The following CACNA1I variants were observed in gnomAD, a reference collection of about 807,000 sequenced individuals.
CACNA1I encodes voltage-dependent T-type calcium channel subunit alpha-1I.
Under a neutral mutation model 201.6 loss-of-function variants are expected in CACNA1I, and 74 were observed. That is an observed-to-expected ratio of 0.37 (90% CI 0.30 to 0.45). CACNA1I has a LOEUF of 0.45. CACNA1I is among the 20% of genes least tolerant of loss of function. The pLI is 1.00. For missense variants in CACNA1I, 2,346 were observed against 3,138.1 expected (o/e 0.75, Z 6.03); for synonymous variants, 1,431 against 1,345.2 (o/e 1.06, Z -1.40).
intron 3 of CACNA1I, among the ~76,000 whole-genome samples, chr22:39,612,560 C>T (rs1933415511): frequency 6.6e-6 from 1 of 151,934 alleles, no homozygotes; most frequent in East Asian, 1.9e-4. Flanking sequence ...TGAGTCCTCA[C>T]TTGAGTCCTC....
chr22:39,635,846 A>G (rs929406571), intron 5 of CACNA1I, among the ~76,000 whole-genome samples: 1 of 151,968 alleles, frequency 6.6e-6, no homozygotes, highest in Non-Finnish European at 1.5e-5. Flanking sequence ...AGCCCACCTG[A>G]CACCTCCTCC....
chr22:39,670,078 T>C lies in CACNA1I; in HGVS notation c.4235T>C (p.Ile1412Thr). 2 of 1,613,068 alleles carry C rather than the reference T, an allele frequency of 1.2e-6. No homozygotes were observed. Among genetic ancestry groups the C allele is most frequent in the Non-Finnish European group, 1.7e-6 (2 of 1,179,862 alleles). ...NHNPWMLLYF[I>T]SFLLIVSFFV... is the part of the protein sequence containing the mutation. Reference sequence around the variant, plus strand: ...AACCCCTGGATGCTGCTGTACTTCATCTCCTTCCTGCTCATCGTCAGCTTC... The same window carrying C: ...AACCCCTGGATGCTGCTGTACTTCACCTCCTTCCTGCTCATCGTCAGCTTC... The change falls in exon 25 of 37, where the codon ATC becomes ACC. Residue 1412 changes from isoleucine (I) to threonine (T), a missense_variant. Ile to Thr is a moderately conservative substitution (Grantham distance 89). Coordinates refer to ENST00000402142, the MANE Select transcript of CACNA1I (RefSeq NM_021096.4).
chr22:39,595,015 C>A (rs937686912), intron 1 of CACNA1I, among the ~76,000 whole-genome samples: 1 of 152,174 alleles, frequency 6.6e-6, no homozygotes, highest in Non-Finnish European at 1.5e-5. Flanking sequence ...TCACGCCAGG[C>A]GCGGTGGCTC....
intron 29 of CACNA1I, among the ~76,000 whole-genome samples, chr22:39,675,225 C>G (rs9619826): frequency 2.6e-5 from 4 of 152,148 alleles, no homozygotes; most frequent in African/African-American, 9.7e-5. Context: ...CTCCCTCAAG[C>G]GCTTATTTCA....
chr22:39,598,346 C>T (rs1932941920), intron 2 of CACNA1I, 84 bp downstream of exon 2: 4 of 695,718 alleles, frequency 5.7e-6, no homozygotes, highest in Non-Finnish European at 1.0e-5. Flanking sequence ...CACCCCCGCC[C>T]CATGTCCTGG....
chr22:39,608,858 C>G (rs1282304678), intron 3 of CACNA1I, among the ~76,000 whole-genome samples: 1 of 151,936 alleles, frequency 6.6e-6, no homozygotes, highest in African/African-American at 2.4e-5. Context: ...TTATTGTACC[C>G]TGGAAACATG....
In CACNA1I at chr22:39,660,330, G is replaced by A. The variant is rs747539353; in HGVS notation, c.2605-14G>A. On this transcript the variant is annotated splice_polypyrimidine_tract_variant and intron_variant, in intron 14 of 36. Coordinates refer to ENST00000402142, the MANE Select transcript of CACNA1I (RefSeq NM_021096.4). ...GGACTGACCTGCATTCTAACGTGAC[G>A]GATGCTCTCCCAGGGTGACGCCAAT... The A allele has an allele frequency of 7.5e-6, 12 of 1,605,644 alleles. No homozygotes were observed. Among genetic ancestry groups the A allele is most frequent in the Middle Eastern group, 3.3e-4 (2 of 6,066 alleles).
chr22:39,670,435 C>A, intron 25 of CACNA1I, among the ~76,000 whole-genome samples: 1 of 152,220 alleles, frequency 6.6e-6, no homozygotes, highest in East Asian at 1.9e-4. Flanking sequence ...TGGCTGACAC[C>A]ACTGCCAACC....
Position 39,646,789 on chromosome 22 carries a change from A to T in CACNA1I, c.1370A>T (p.Tyr457Phe). Residue 457 changes from tyrosine (Y) to phenylalanine (F), a missense_variant, in exon 8 of 37, where the codon TAC becomes TTC. Physicochemically the swap from Tyr to Phe is conservative, Grantham distance 22. This residue lies in a region of CACNA1I where 312 missense variants were observed against 331.5 expected (regional missense o/e 0.94). Transcript: ENST00000402142. ...RKAKRRALGL[Y>F]QALQSRRQAL... ...GCCAAGCGCCGCGCCCTGGGCCTCT[A>T]CCAGGCCCTGCAGAGCCGGCGCCAG... The T allele has an allele frequency of 6.4e-7, 1 of 1,569,042 alleles. No individual in the cohort carries two copies. Among genetic ancestry groups the T allele is most frequent in the Admixed American group, 1.9e-5 (1 of 53,836 alleles).
At chr22:39,650,007 C>T in intron 10 of CACNA1I, 82 bp downstream of exon 10, 1 of 1,447,748 alleles carries the variant, frequency 6.9e-7, no homozygotes, top group Non-Finnish European at 9.6e-7. Context: ...CAGCCCCATC[C>T]ATCTGCCTGG....
intron 1 of CACNA1I, among the ~76,000 whole-genome samples, chr22:39,586,985 C>A (rs374659888): frequency 6.6e-6 from 1 of 152,092 alleles, no homozygotes; most frequent in African/African-American, 2.4e-5. Context: ...GGGACCCTGG[C>A]CCCCAGGGAC....
intron 1 of CACNA1I, among the ~76,000 whole-genome samples, chr22:39,591,458 G>A (rs1255594507): frequency 4.6e-5 from 7 of 151,880 alleles, no homozygotes; most frequent in Non-Finnish European, 1.0e-4. Flanking sequence ...CACGGCACCC[G>A]GCCTGGCCTG....
chr22:39,682,723 G>T, intron 35 of CACNA1I, 62 bp downstream of exon 35: 6 of 1,436,910 alleles, frequency 4.2e-6, no homozygotes, highest in Non-Finnish European at 5.7e-6. Flanking sequence ...GCTTCAGAGG[G>T]AGATGGCTGA....
In CACNA1I at chr22:39,682,480, C is replaced by T. The variant is rs561440408; in HGVS notation, c.5665-16C>T. 3 of 1,611,690 alleles carry T rather than the reference C, an allele frequency of 1.9e-6. No individual in the cohort carries two copies. Among genetic ancestry groups the T allele is most frequent in the East Asian group, 4.5e-5 (2 of 44,856 alleles). On this transcript the variant is annotated splice_polypyrimidine_tract_variant and intron_variant, in intron 34 of 36. Coordinates refer to ENST00000402142, the MANE Select transcript of CACNA1I (RefSeq NM_021096.4). ...CCTTCCCAGTCCTGCCCCATCCTACCTCCCTTTCCTTGCAGGGTGAGCTGG... is the reference window on the plus strand; with the variant it reads ...CCTTCCCAGTCCTGCCCCATCCTACTTCCCTTTCCTTGCAGGGTGAGCTGG...
chr22:39,632,113 A>G (rs943434939), intron 4 of CACNA1I, among the ~76,000 whole-genome samples: 1 of 152,074 alleles, frequency 6.6e-6, no homozygotes, highest in Non-Finnish European at 1.5e-5. Context: ...AACAAGGGAG[A>G]TGTAATTAAT....
In CACNA1I at chr22:39,686,338, C is replaced by A; in HGVS notation, c.6605C>A (p.Ala2202Glu). 1 of 1,305,296 alleles carries A rather than the reference C, an allele frequency of 7.7e-7. No individual in the cohort carries two copies. The highest frequency in any genetic ancestry group is 2.0e-5 in the South Asian group (1 of 49,054). The allele number at this position is 1,305,296 out of a possible 1,614,324, so 80.9% of individuals were successfully genotyped here. Residue 2202 changes from alanine (A) to glutamate (E), a missense_variant, in exon 37 of 37, where the codon GCG becomes GAG. By Grantham distance (107) the Ala-to-Glu change is moderately radical. Coordinates refer to ENST00000402142, the MANE Select transcript of CACNA1I (RefSeq NM_021096.4). ...APLPMGLGPL[A>E]PPPQPLPGEL... ...CTGCCCATGGGCCTGGGCCCCTTGG[C>A]GCCCCCGCCGCAACCGCTCCCCGGA...
chr22:39,634,017 A>G (rs1934137644), intron 4 of CACNA1I, among the ~76,000 whole-genome samples: 2 of 152,042 alleles, frequency 1.3e-5, no homozygotes, highest in Admixed American at 1.3e-4. Flanking sequence ...TACTACAACC[A>G]CTCTGCAGGT....
intron 4 of CACNA1I, among the ~76,000 whole-genome samples, chr22:39,621,768 G>C (rs917643534): frequency 2.0e-5 from 3 of 152,010 alleles, no homozygotes; most frequent in Admixed American, 1.3e-4. Context: ...CCAAAGCTGT[G>C]CGGGAGGGGG....
In CACNA1I at chr22:39,684,398, C is replaced by A. The variant is rs1190521794; in HGVS notation, c.5927C>A (p.Pro1976Gln). 1 of 1,613,658 alleles carries A rather than the reference C, an allele frequency of 6.2e-7. No individual in the cohort carries two copies. Among genetic ancestry groups the A allele is most frequent in the East Asian group, 2.2e-5 (1 of 44,872 alleles). ...HPAVSASQKG[P>Q]EKGTGTGTLP... The stretch of plus-strand genomic sequence containing the variant: ...GCAGTGTCTGCCAGCCAGAAAGGCC[C>A]AGAAAAGGGCACTGGCACTGGAACC... The change falls in exon 36 of 37, where the codon CCA (proline) becomes CAA (glutamine). Residue 1976 changes from proline (P) to glutamine (Q), a missense_variant. Physicochemically the swap from Pro to Gln is moderately conservative, Grantham distance 76 (BLOSUM62 -1). Coordinates refer to ENST00000402142, the MANE Select transcript of CACNA1I (RefSeq NM_021096.4). This position sits in a 1 kb window ranked among gnomAD's most constrained non-coding sequence, Gnocchi z 4.6.
Sources: allele counts gnomAD v4.1 joint callset (sites outside exome capture counted in the v4.1 genomes callset), GRCh38; gene constraint gnomAD v4.1.1; regional missense constraint gnomAD v4.1.1; non-coding constraint Gnocchi (gnomAD v3.1); transcripts MANE v1.5; gene names NCBI Gene and HGNC (gene_info 2026-07-23, HGNC 2026-07-21).